Variants in KIAA0825 observed in about 807,000 individuals in gnomAD.
KIAA0825 encodes the protein KIAA0825.
Under a neutral mutation model 147.6 loss-of-function variants are expected in KIAA0825, and 119 were observed. The ratio of observed to expected loss-of-function variants is 0.81; its 90% CI spans 0.69 to 0.94. KIAA0825 has a LOEUF of 0.94. KIAA0825 is among the 40% of genes least tolerant of loss of function. The pLI is 0.00. For missense variants in KIAA0825, 1,381 were observed against 1,472.7 expected, an observed-to-expected ratio of 0.94 and a Z score of 1.02; for synonymous variants, 470 against 518.1, an observed-to-expected ratio of 0.91 and a Z score of 1.26.
chr5:94,166,708 A>G (rs1327338659), intron 20 of KIAA0825, among the ~76,000 whole-genome samples: 5 of 151,582 alleles, frequency 3.3e-5, no homozygotes, highest in Admixed American at 2.0e-4. Context: ...GGGTTTCACC[A>G]TGTTGGCCAG....
intron 2 of KIAA0825, among the ~76,000 whole-genome samples, chr5:94,544,172 G>T (rs913311578): frequency 8.5e-5 from 13 of 152,330 alleles, no homozygotes; most frequent in African/African-American, 3.1e-4. Flanking sequence ...CTGTGGATTA[G>T]TTCTGCTTCT....
At chr5:94,439,960 T>C in intron 14 of KIAA0825, 22 bp downstream of exon 14, 1 of 1,535,910 alleles carries the variant, frequency 6.5e-7, no homozygotes, top group Non-Finnish European at 8.8e-7. Context: ...TCGAGGACAT[T>C]CTTATAACTA....
chr5:94,588,089 T>C (rs185688527), intron 1 of KIAA0825, among the ~76,000 whole-genome samples: 132 of 152,138 alleles, frequency 8.7e-4, no homozygotes, highest in African/African-American at 3.0e-3. Context: ...CCATAAAAAC[T>C]GTAGAAGAAA....
chr5:94,160,369 G>A (rs1261305459), intron 20 of KIAA0825, among the ~76,000 whole-genome samples: 1 of 149,484 alleles, frequency 6.7e-6, no homozygotes, highest in Non-Finnish European at 1.5e-5. Flanking sequence ...TATATATACT[G>A]TATTCATATA....
intron 20 of KIAA0825, among the ~76,000 whole-genome samples, chr5:94,383,747 AG>A (rs1409862340): frequency 6.6e-6 from 1 of 151,802 alleles, no homozygotes; most frequent in Non-Finnish European, 1.5e-5. Flanking sequence ...GTTGTTTCCT[AG>A]GCTGAAATCA....
chr5:94,399,044 CAT>C (rs1477719401), intron 16 of KIAA0825, among the ~76,000 whole-genome samples: 1 of 152,120 alleles, frequency 6.6e-6, no homozygotes, highest in East Asian at 1.9e-4. Context: ...AGATCCAACA[CAT>C]ATTTGAACAA....
At chr5:94,250,138 T>A (rs1775874816) in intron 20 of KIAA0825, among the ~76,000 whole-genome samples, 1 of 152,092 alleles carries the variant, frequency 6.6e-6, no homozygotes, top group Non-Finnish European at 1.5e-5. Flanking sequence ...GCCAATCCAA[T>A]ACATCAGAAA....
At chr5:94,604,506 C>T (rs559005529) in intron 1 of KIAA0825, among the ~76,000 whole-genome samples, 3 of 152,268 alleles carry the variant, frequency 2.0e-5, no homozygotes, top group Admixed American at 6.5e-5. Context: ...TTGCAGTGAG[C>T]TGAGATTGCA....
chr5:94,186,311 G>C (rs528840471), intron 20 of KIAA0825, among the ~76,000 whole-genome samples: 1 of 152,112 alleles, frequency 6.6e-6, no homozygotes, highest in African/African-American at 2.4e-5. Context: ...GGTTAGGATT[G>C]TTCATAAATT....
At chr5:94,282,328 T>A (rs530220445) in intron 20 of KIAA0825, among the ~76,000 whole-genome samples, 19 of 152,166 alleles carry the variant, frequency 1.2e-4, no homozygotes, top group African/African-American at 4.6e-4. Context: ...ATTTTAAAAT[T>A]TATATGATTA....
chr5:94,355,830 T>G (rs1240393221), intron 20 of KIAA0825, among the ~76,000 whole-genome samples: 2 of 152,190 alleles, frequency 1.3e-5, no homozygotes, highest in Non-Finnish European at 2.9e-5. Flanking sequence ...TTTAGAGAAA[T>G]ATGGTTTAGG....
chr5:94,480,851 A>T (rs1762418748), intron 6 of KIAA0825, among the ~76,000 whole-genome samples: 1 of 152,070 alleles, frequency 6.6e-6, no homozygotes, highest in South Asian at 2.1e-4. Flanking sequence ...AAAATGGTTT[A>T]AAAAAACTTA....
intron 20 of KIAA0825, among the ~76,000 whole-genome samples, chr5:94,174,065 C>T (rs555655253): frequency 6.6e-6 from 1 of 152,296 alleles, no homozygotes; most frequent in South Asian, 2.1e-4. Context: ...TGATCTCTTT[C>T]TTGCTGTTTC....
Position 94,408,385 on chromosome 5 carries a change from T to C in KIAA0825, c.2663-4592A>G, listed in dbSNP as rs184417525. Among the ~76,000 whole-genome samples the C allele has an allele frequency of 2.6e-5, 4 of 152,234 alleles. No individual in the cohort carries two copies. In the East Asian group the frequency reaches 7.7e-4, roughly 29 times the overall value. ...TATTTTTGAGACAGAGTCTCGCTCT[T>C]GTTGCCCAGGCTGGAATGCAATGGT... is the stretch of plus-strand genomic sequence containing the variant. On this transcript the variant is annotated intron_variant, in intron 15 of 20. Coordinates refer to ENST00000682413, the MANE Select transcript of KIAA0825 (RefSeq NM_001145678.3).
At chr5:94,594,614 T>G (rs1784939441) in intron 1 of KIAA0825, 1 of 670,018 alleles carries the variant, frequency 1.5e-6, no homozygotes, top group South Asian at 1.5e-5. Flanking sequence ...CAAAAGCATT[T>G]TGTAGAAATA....
At chr5:94,448,053 T>C (rs1308485383) in intron 13 of KIAA0825, among the ~76,000 whole-genome samples, 1 of 151,854 alleles carries the variant, frequency 6.6e-6, no homozygotes, top group Non-Finnish European at 1.5e-5. Context: ...TAATGCAACA[T>C]ATTATAATTG....
intron 3 of KIAA0825, among the ~76,000 whole-genome samples, chr5:94,532,758 C>T (rs1273809722): frequency 1.4e-5 from 2 of 145,334 alleles, no homozygotes; most frequent in African/African-American, 5.1e-5. Flanking sequence ...TAGTTTTAAA[C>T]TCCTGCCCTC....
At chr5:94,427,953 T>C (rs1265139664) in intron 14 of KIAA0825, among the ~76,000 whole-genome samples, 1 of 152,232 alleles carries the variant, frequency 6.6e-6, no homozygotes, top group Non-Finnish European at 1.5e-5. Flanking sequence ...TTTGTCATTA[T>C]GTAATGCCCT....
At chr5:94,413,325 C>T (rs1753014248) in intron 15 of KIAA0825, 1 of 152,186 alleles carries the variant, frequency 6.6e-6, no homozygotes, top group East Asian at 1.9e-4. Flanking sequence ...TGACTGTAGT[C>T]CCACAAAGAC....
Sources: allele counts gnomAD v4.1 joint callset (sites outside exome capture counted in the v4.1 genomes callset), GRCh38; gene constraint gnomAD v4.1.1; transcripts MANE v1.5; gene names NCBI Gene and HGNC (gene_info 2026-07-23, HGNC 2026-07-21).